AFMID: variants seen among roughly 807,000 people sequenced by gnomAD.
AFMID encodes kynurenine formamidase.
In AFMID, 39 loss-of-function variants were observed where a neutral mutation model predicts 47.5. The observed-to-expected ratio is 0.82, with a 90% CI of 0.64 to 1.07. AFMID has a LOEUF of 1.07. Ranked by LOEUF, AFMID falls within the 50% of genes least tolerant of loss-of-function variation. AFMID has a pLI of 0.00. For missense variants in AFMID, 375 were observed against 387.5 expected (o/e 0.97, Z 0.27); for synonymous variants, 130 against 153.2 (o/e 0.85, Z 1.12).
chr17:78,194,891 T>C (rs545652499), intron 2 of AFMID, among the ~76,000 whole-genome samples: 1 of 151,956 alleles, frequency 6.6e-6, no homozygotes, highest in African/African-American at 2.4e-5. Flanking sequence ...ACGGGGTTTC[T>C]CCATGTTGGT....
At position 78,187,412 on chromosome 17, in the gene AFMID, T is replaced by C. The variant is rs770995525; in HGVS notation, c.42T>C (p.Pro14=). The C allele has an allele frequency of 6.2e-7, 1 of 1,613,724 alleles. No homozygotes were observed. Among genetic ancestry groups the C allele is most frequent in the African/African-American group, 1.3e-5 (1 of 74,870 alleles). The stretch of plus-strand genomic sequence containing the variant: ...GTGTGGGTTTCCCAAGCAAGGTTCC[T>C]TGGAAGAAGATGTCTGCAGAGGTAG... The part of the protein sequence containing the change: ...VSGVGFPSKV[P]WKKMSAEELE... Residue 14 remains proline (P), a synonymous_variant, in exon 1 of 11, where the codon CCT becomes CCC. Coordinates refer to ENST00000409257, the MANE Select transcript of AFMID (RefSeq NM_001010982.5).
At position 78,206,926 on chromosome 17, in the gene AFMID, A is replaced by G. The variant is rs575961186; in HGVS notation, c.901A>G (p.Ile301Val). The change falls in exon 11 of 11, where the codon ATC becomes GTC. Residue 301 changes from isoleucine (I) to valine (V), a missense_variant. Transcript: ENST00000409257. ...CCTGTTCCAGATTATCTTGAAAACA[A>G]TCTTCCAGTAGTTCTGACGATACTT... ...NVLTQIILKTIFQ is the reference protein window; with the variant it reads ...NVLTQIILKTVFQ 29 of 1,614,038 alleles carry G rather than the reference A, an allele frequency of 1.8e-5. No homozygotes were observed. Among genetic ancestry groups the G allele is most frequent in the East Asian group, 4.5e-5 (2 of 44,890 alleles).
intron 1 of AFMID, 89 bp downstream of exon 1, chr17:78,187,522 G>T: frequency 6.7e-7 from 1 of 1,490,162 alleles, no homozygotes; most frequent in East Asian, 2.3e-5. Context: ...CTTAGAAGCC[G>T]TCTAGAGCAC....
chr17:78,205,995 T>A lies in AFMID; in HGVS notation c.830T>A (p.Val277Glu). Residue 277 changes from valine (V) to glutamate (E), a missense_variant, in exon 10 of 11, where the codon GTG becomes GAG. Physicochemically the swap from Val to Glu is moderately radical, Grantham distance 121. Coordinates refer to ENST00000409257, the MANE Select transcript of AFMID (RefSeq NM_001010982.5). The stretch of plus-strand genomic sequence containing the variant: ...GCCTCATTTGAAGAGCTCCACGATG[T>A]GGACCACTTTGAAATTGTTGAGAAT... ...WKASFEELHDVDHFEIVENLT... is the reference protein window; with the variant it reads ...WKASFEELHDEDHFEIVENLT... The A allele has an allele frequency of 4.3e-6, 7 of 1,614,120 alleles. No homozygotes were observed. Among genetic ancestry groups the A allele is most frequent in the Non-Finnish European group, 5.9e-6 (7 of 1,180,024 alleles).
At chr17:78,194,643 A>G (rs947915736) in intron 2 of AFMID, among the ~76,000 whole-genome samples, 3 of 151,980 alleles carry the variant, frequency 2.0e-5, no homozygotes, top group Admixed American at 2.0e-4. Context: ...TTTAAGAACC[A>G]TTTCCTTTAC....
intron 2 of AFMID, among the ~76,000 whole-genome samples, chr17:78,195,732 C>A (rs2076096055): frequency 1.3e-5 from 2 of 149,452 alleles, no homozygotes; most frequent in Non-Finnish European, 3.0e-5. Flanking sequence ...GAACTCCCGA[C>A]CTCAGGTCAT....
chr17:78,197,857 G>T (rs560873690), intron 2 of AFMID, among the ~76,000 whole-genome samples: 4 of 152,254 alleles, frequency 2.6e-5, no homozygotes, highest in Non-Finnish European at 5.9e-5. Flanking sequence ...GGTGGCGCAT[G>T]CCTGTAATCC....
intron 1 of AFMID, among the ~76,000 whole-genome samples, chr17:78,190,390 G>C (rs1371952683): frequency 2.0e-5 from 3 of 151,958 alleles, no homozygotes; most frequent in African/African-American, 7.3e-5. Flanking sequence ...GCGCAGATCA[G>C]CTCCTCCTTT....
At chr17:78,195,794 C>A (rs2145857973) in intron 2 of AFMID, among the ~76,000 whole-genome samples, 1 of 152,244 alleles carries the variant, frequency 6.6e-6, no homozygotes, top group South Asian at 2.1e-4. Context: ...CCACGCCCGG[C>A]CTTGCAGTCC....
chr17:78,189,457 A>T (rs1296622211), intron 1 of AFMID, among the ~76,000 whole-genome samples: 1 of 151,146 alleles, frequency 6.6e-6, no homozygotes, highest in East Asian at 1.9e-4. Flanking sequence ...TCCTGACCTC[A>T]GGTGATTCAC....
intron 7 of AFMID, 41 bp downstream of exon 7, chr17:78,205,231 T>TC (rs1458097536): frequency 6.4e-7 from 1 of 1,572,796 alleles, no homozygotes; most frequent in South Asian, 1.1e-5. Context: ...AACCTTCATC[T>TC]CCCCATGAGC....
chr17:78,198,599 G>A (rs1483912821), intron 2 of AFMID, among the ~76,000 whole-genome samples: 3 of 148,272 alleles, frequency 2.0e-5, no homozygotes, highest in East Asian at 2.0e-4. Context: ...AGATTGCGCC[G>A]TTGCACTCCA....
At chr17:78,198,795 C>T (rs574152889) in intron 2 of AFMID, among the ~76,000 whole-genome samples, 2 of 152,052 alleles carry the variant, frequency 1.3e-5, no homozygotes, top group Admixed American at 6.6e-5. Flanking sequence ...GGCGACAGAG[C>T]GAGCCTCTGT....
chr17:78,190,434 G>T (rs2075934469), intron 1 of AFMID, among the ~76,000 whole-genome samples: 1 of 151,764 alleles, frequency 6.6e-6, no homozygotes, highest in South Asian at 2.1e-4. Context: ...TTGCTCTGTC[G>T]CTAGGCTGGA....
Position 78,207,028 on chromosome 17 carries a change from T to C in AFMID, c.*91T>C. On this transcript the variant is annotated 3_prime_UTR_variant, in exon 11 of 11. Transcript: ENST00000409257. ...CGGAGCTGACACTGACAGCTTCAGT[T>C]TCCCCCAGCACCCAGGAGAGCCTTG... 7.3e-7 allele frequency: 1 copy of C among 1,368,130 alleles called. No homozygotes were observed. Among genetic ancestry groups the C allele is most frequent in the Non-Finnish European group, 1.0e-6 (1 of 956,662 alleles). 84.7% of individuals were successfully genotyped at this position (1,368,130 alleles called of 1,614,324 possible).
chr17:78,202,413 A>C, intron 2 of AFMID, 86 bp from the exon 3 acceptor site: 5 of 1,339,834 alleles, frequency 3.7e-6, no homozygotes, highest in Non-Finnish European at 5.3e-6. Flanking sequence ...TGGGCAACAG[A>C]GTGAGACTTC....
intron 2 of AFMID, among the ~76,000 whole-genome samples, chr17:78,200,364 G>C (rs960699004): frequency 6.6e-6 from 1 of 152,150 alleles, no homozygotes; most frequent in East Asian, 1.9e-4. Flanking sequence ...CATGTTGGCC[G>C]GGATGGTCTC....
At chr17:78,197,396 G>GC in intron 2 of AFMID, 2 of 566,808 alleles carry the variant, frequency 3.5e-6, no homozygotes, top group Non-Finnish European at 3.1e-6. Context: ...CACAGCAGGG[G>GC]TGTTTGTGGT....
At chr17:78,188,636 G>A (rs1270086958) in intron 1 of AFMID, among the ~76,000 whole-genome samples, 5 of 147,968 alleles carry the variant, frequency 3.4e-5, no homozygotes, top group South Asian at 4.3e-4. Context: ...TCGCTCTATC[G>A]CCCAGGCTGG....
Sources: gnomAD v4.1 joint callset for allele counts (sites outside exome capture counted in the v4.1 genomes callset) on GRCh38, gnomAD v4.1.1 for gene constraint, MANE v1.5 for transcripts, NCBI Gene and HGNC (gene_info 2026-07-23, HGNC 2026-07-21) for gene names.